Variants in RANBP3 observed in about 807,000 individuals in gnomAD.
The protein encoded by RANBP3 is ran-binding protein 3.
RANBP3 carries 14 observed loss-of-function variants against 77.3 expected under a neutral mutation model. The observed-to-expected ratio is 0.18, with a 90% confidence interval of 0.12 to 0.28. The LOEUF is 0.28. RANBP3 is among the 10% of genes least tolerant of loss of function. The pLI is 1.00. For missense variants in RANBP3, 586 were observed against 752.3 expected (o/e 0.78, Z 2.59); for synonymous variants, 315 against 312.4 (o/e 1.01, Z -0.09).
intron 1 of RANBP3, among the ~76,000 whole-genome samples, chr19:5,961,425 C>G (rs972215434): frequency 1.4e-5 from 2 of 139,770 alleles, no homozygotes; most frequent in African/African-American, 2.7e-5. Context: ...CAAAACAAAA[C>G]AAAACAAAAC....
Position 5,959,671 on chromosome 19 carries a change from G to A in RANBP3, c.23-1698C>T, listed in dbSNP as rs925501599. Among the ~76,000 whole-genome samples, 4 of 152,146 alleles carry A rather than the reference G, an allele frequency of 2.6e-5. No homozygotes were observed. Among genetic ancestry groups the A allele is most frequent in the Non-Finnish European group, 2.9e-5 (2 of 68,028 alleles). ...AACGTGAATGAATGCACCTATGCCAGGCAATAAATGATGTCAAAGGAATGC... is the reference window on the plus strand; with the variant it reads ...AACGTGAATGAATGCACCTATGCCAAGCAATAAATGATGTCAAAGGAATGC... On this transcript the variant is annotated intron_variant, in intron 1 of 16. Coordinates refer to ENST00000340578, the MANE Select transcript of RANBP3 (RefSeq NM_007322.3). The surrounding 1 kb of genome is among the most constrained non-coding windows in gnomAD (Gnocchi z 5.1).
intron 9 of RANBP3, 24 bp from the exon 10 acceptor site, chr19:5,925,761 G>T: frequency 6.3e-7 from 1 of 1,588,692 alleles, no homozygotes. Flanking sequence ...GGAGCGCTCA[G>T]TAATCGGGGG....
At chr19:5,919,761 C>T (rs1193230183) in intron 14 of RANBP3, among the ~76,000 whole-genome samples, 3 of 152,140 alleles carry the variant, frequency 2.0e-5, no homozygotes, top group Non-Finnish European at 4.4e-5. Flanking sequence ...ATTAGCCAGG[C>T]TTGGTGGCGG....
At chr19:5,977,979 T>C in intron 1 of RANBP3, 82 bp downstream of exon 1, 6 of 1,559,436 alleles carry the variant, frequency 3.8e-6, no homozygotes, top group East Asian at 4.7e-5. Context: ...TCTGCGGTGC[T>C]CCCCCCAAGG....
Position 5,917,505 on chromosome 19 carries a change from T to C in RANBP3, c.*105A>G. 7.7e-7 allele frequency: 1 copy of C among 1,305,322 alleles called. No homozygotes were observed. Among genetic ancestry groups the C allele is most frequent in the Non-Finnish European group, 1.0e-6 (1 of 970,160 alleles). 80.9% of individuals were successfully genotyped at this position (1,305,322 alleles called of 1,614,324 possible). On this transcript the variant is annotated 3_prime_UTR_variant, in exon 17 of 17. Coordinates refer to ENST00000340578, the MANE Select transcript of RANBP3 (RefSeq NM_007322.3). ...ACTGTGGCCGGCCCAGTGGGGTGTG[T>C]GGTTCCCGGCCCCGCACCTGGACGC... is the stretch of plus-strand genomic sequence containing the variant.
intron 14 of RANBP3, among the ~76,000 whole-genome samples, chr19:5,919,790 G>A (rs1293770095): frequency 6.6e-6 from 1 of 151,968 alleles, no homozygotes; most frequent in Non-Finnish European, 1.5e-5. Context: ...AAGCCCAGCT[G>A]CTCGGGAGGC....
At chr19:5,926,429 T>C (rs562290652) in intron 9 of RANBP3, among the ~76,000 whole-genome samples, 1 of 152,246 alleles carries the variant, frequency 6.6e-6, no homozygotes, top group East Asian at 1.9e-4. Flanking sequence ...TGGGCGCCTG[T>C]AATCCCAGAT....
intron 5 of RANBP3, among the ~76,000 whole-genome samples, chr19:5,934,979 T>G (rs1216599367): frequency 1.3e-5 from 2 of 152,124 alleles, no homozygotes; most frequent in African/African-American, 4.8e-5. Flanking sequence ...GGGAGGGGGT[T>G]GGGGGCAGGC....
In RANBP3 at chr19:5,935,882, A is replaced by G. The variant is rs1159633618; in HGVS notation, c.407-2403T>C. Reference sequence around the variant, plus strand: ...ACACAAGCTGCTGAATCATGGCCAGAGCCCGACGCCTGCCACATACCCAAA... The same window carrying G: ...ACACAAGCTGCTGAATCATGGCCAGGGCCCGACGCCTGCCACATACCCAAA... On this transcript the variant is annotated intron_variant, in intron 5 of 16. Coordinates refer to ENST00000340578, the MANE Select transcript of RANBP3 (RefSeq NM_007322.3). 5 of 449,558 alleles carry G rather than the reference A, an allele frequency of 1.1e-5. 1 individual carries two copies. In the Admixed American group the frequency reaches 1.2e-4, roughly 11 times the overall value. 27.8% of individuals were successfully genotyped at this position (449,558 alleles called of 1,614,324 possible).
At chr19:5,932,375 A>G in intron 7 of RANBP3, 77 bp downstream of exon 7, 2 of 1,139,118 alleles carry the variant, frequency 1.8e-6, no homozygotes, top group Non-Finnish European at 2.6e-6. Flanking sequence ...CTGTCGCAAC[A>G]CTGCTGTCCC....
intron 1 of RANBP3, among the ~76,000 whole-genome samples, chr19:5,961,111 C>T (rs1395236753): frequency 5.3e-5 from 8 of 152,200 alleles, no homozygotes; most frequent in Admixed American, 5.2e-4. Context: ...CTGGCCTCCA[C>T]AGAGCAGCCA....
intron 1 of RANBP3, among the ~76,000 whole-genome samples, chr19:5,962,970 A>C (rs1450441486): frequency 1.3e-5 from 2 of 152,216 alleles, no homozygotes. Flanking sequence ...GGGAATGGAC[A>C]GGCGGCCAGA....
rs2057778431 is a variant in RANBP3 at position 5,918,708 on chromosome 19, C to T, written c.1331-70G>A. ...CCTCACAAACAGCCAGCTCCAAGAG[C>T]CAACACAGTCCAGATGGAAAGCGAC... is the stretch of plus-strand genomic sequence containing the variant. On this transcript the variant is annotated intron_variant, in intron 14 of 16. Coordinates refer to ENST00000340578, the MANE Select transcript of RANBP3 (RefSeq NM_007322.3). The T allele has an allele frequency of 3.2e-6, 5 of 1,556,572 alleles. No homozygotes were observed. In the Middle Eastern group the frequency reaches 7.9e-4, roughly 246 times the overall value.
Position 5,917,546 on chromosome 19 carries a change from G to T in RANBP3, c.*64C>A. 6.7e-7 allele frequency: 1 copy of T among 1,489,898 alleles called. No individual in the cohort carries two copies. The highest frequency in any genetic ancestry group is 1.4e-5 in the African/African-American group (1 of 72,120). 92.3% of individuals were successfully genotyped at this position (1,489,898 alleles called of 1,614,324 possible). A position where few individuals can be genotyped will look rare whatever the true frequency, so the allele number is the denominator to read the frequency against. ...ACCTGGACGCTGCCGGTGGGGTGGGGGCGGGTGGGCGGGTGGATAGACGGA... is the reference window on the plus strand; with the variant it reads ...ACCTGGACGCTGCCGGTGGGGTGGGTGCGGGTGGGCGGGTGGATAGACGGA... On this transcript the variant is annotated 3_prime_UTR_variant, in exon 17 of 17. Coordinates refer to ENST00000340578, the MANE Select transcript of RANBP3 (RefSeq NM_007322.3).
At chr19:5,935,630 G>C (rs1213088052) in intron 5 of RANBP3, 2 of 446,726 alleles carry the variant, frequency 4.5e-6, no homozygotes, top group Non-Finnish European at 9.1e-6. Flanking sequence ...GAGCCTGGGG[G>C]CTGGCCCGAG....
In RANBP3 at chr19:5,951,510, G is replaced by A. The variant is rs781272863; in HGVS notation, c.165C>T (p.Pro55=). ...AEAPHHGTGH[P]ESAGEHALEP... is the part of the protein sequence containing the mutation. ...CTAGGGCATGCTCGCCAGCTGACTC[G>A]GGGTGACCCGTGCCATGGTGGGGGG... Residue 55 remains proline (P), a synonymous_variant, in exon 3 of 17, where the codon CCC becomes CCT. Coordinates refer to ENST00000340578, the MANE Select transcript of RANBP3 (RefSeq NM_007322.3). 3.1e-6 allele frequency: 5 copies of A among 1,611,620 alleles called. No individual in the cohort carries two copies. Among genetic ancestry groups the A allele is most frequent in the South Asian group, 1.1e-5 (1 of 90,760 alleles).
In RANBP3 at chr19:5,973,196, C is replaced by T. The variant is rs190424358; in HGVS notation, c.22+4865G>A. 5.1e-4 allele frequency among the ~76,000 whole-genome samples: 77 copies of T among 152,292 alleles called. No homozygotes were observed. In the South Asian group the frequency reaches 0.015, roughly 30 times the overall value. On this transcript the variant is annotated intron_variant, in intron 1 of 16. Coordinates refer to ENST00000340578, the MANE Select transcript of RANBP3 (RefSeq NM_007322.3). The stretch of plus-strand genomic sequence containing the variant: ...TTCCAAAAGTTGTTTAAGATAGGTT[C>T]CAACTATTTCAGTTCTAGCTAACCA...
intron 1 of RANBP3, among the ~76,000 whole-genome samples, chr19:5,976,756 GAAT>G (rs1489772756): frequency 6.6e-6 from 1 of 152,122 alleles, no homozygotes; most frequent in Non-Finnish European, 1.5e-5. Flanking sequence ...AAATAAAATA[GAAT>G]AAAATGGCCA....
At chr19:5,963,981 C>T (rs796111526) in intron 1 of RANBP3, among the ~76,000 whole-genome samples, 8 of 152,342 alleles carry the variant, frequency 5.3e-5, no homozygotes, top group African/African-American at 1.9e-4. Context: ...GAGTCCCCTG[C>T]TGCCCCCTGG....
Sources: allele counts gnomAD v4.1 joint callset (sites outside exome capture counted in the v4.1 genomes callset), GRCh38; gene constraint gnomAD v4.1.1; non-coding constraint Gnocchi (gnomAD v3.1); transcripts MANE v1.5; gene names NCBI Gene and HGNC (gene_info 2026-07-23, HGNC 2026-07-21).